GRIK5: variants seen among roughly 807,000 people sequenced by gnomAD.
The protein encoded by GRIK5 is glutamate ionotropic receptor kainate type subunit 5, also known as glutamate receptor ionotropic, kainate 5.
Under a neutral mutation model 97.4 loss-of-function variants are expected in GRIK5, and 43 were observed. The observed-to-expected ratio is 0.44, with a 90% CI of 0.35 to 0.57. The LOEUF (loss-of-function observed/expected upper bound fraction) is 0.57, where lower values mean the gene tolerates loss of function less well. Among genes scored for constraint, GRIK5 ranks in the 20% least tolerant of loss-of-function variants. The probability of loss-of-function intolerance (pLI) is 0.01; values close to 1 mark genes in which losing one functional copy is unlikely to be tolerated. For missense variants in GRIK5, 1,015 were observed against 1,382.0 expected, an observed-to-expected ratio of 0.73 and a Z score of 4.21; for synonymous variants, 580 against 583.5, an observed-to-expected ratio of 0.99 and a Z score of 0.09.
intron 11 of GRIK5, among the ~76,000 whole-genome samples, chr19:42,053,137 AAC>A (rs1245582969): frequency 6.6e-6 from 1 of 152,150 alleles, no homozygotes; most frequent in African/African-American, 2.4e-5. Flanking sequence ...GGAGCTTCAG[AAC>A]ACAGAGGTCA....
intron 12 of GRIK5, among the ~76,000 whole-genome samples, chr19:42,039,674 G>C (rs555066308): frequency 4.6e-4 from 70 of 152,256 alleles, no homozygotes; most frequent in East Asian, 1.9e-3. Flanking sequence ...ACAAATCTAT[G>C]TATGTGCTGG....
intron 11 of GRIK5, among the ~76,000 whole-genome samples, chr19:42,052,579 G>C (rs1188980887): frequency 6.6e-6 from 1 of 152,216 alleles, no homozygotes; most frequent in Non-Finnish European, 1.5e-5. Flanking sequence ...AAACCCTCTT[G>C]TAACCCTCTC....
At chr19:42,035,503 C>G (rs1022197794) in intron 12 of GRIK5, among the ~76,000 whole-genome samples, 2 of 151,788 alleles carry the variant, frequency 1.3e-5, no homozygotes, top group Non-Finnish European at 2.9e-5. Context: ...GGTCAGGAGT[C>G]GAGACCAGCC....
chr19:42,066,506 G>A (rs906922982), intron 1 of GRIK5, among the ~76,000 whole-genome samples: 1 of 151,040 alleles, frequency 6.6e-6, no homozygotes, highest in Admixed American at 6.6e-5. Flanking sequence ...GAGAAGGGAG[G>A]AAACAGAGAA....
chr19:42,056,831 C>G lies in GRIK5; in HGVS notation c.742-8G>C, dbSNP rs961089845. 6.2e-7 allele frequency: 1 copy of G among 1,613,860 alleles called. No individual in the cohort carries two copies. The highest frequency in any genetic ancestry group is 1.3e-5 in the African/African-American group (1 of 74,878). ...ATGCAGGATGGGGAAGTCCTGGGACCAGGAAGAGGTGGTGAGGCCTGGGGC... is the reference window on the plus strand; with the variant it reads ...ATGCAGGATGGGGAAGTCCTGGGACGAGGAAGAGGTGGTGAGGCCTGGGGC... On this transcript the variant is annotated splice_region_variant and splice_polypyrimidine_tract_variant and intron_variant, in intron 7 of 19. Transcript: ENST00000593562.
intron 15 of GRIK5, among the ~76,000 whole-genome samples, chr19:42,007,795 T>G (rs1374879274): frequency 6.6e-6 from 1 of 151,958 alleles, no homozygotes; most frequent in African/African-American, 2.4e-5. Flanking sequence ...GCAGCCAGAG[T>G]AGAAAGATTT....
intron 12 of GRIK5, among the ~76,000 whole-genome samples, chr19:42,036,536 T>G (rs1244047896): frequency 6.6e-6 from 1 of 151,778 alleles, no homozygotes; most frequent in Non-Finnish European, 1.5e-5. Flanking sequence ...TTTCAATTTT[T>G]GTAGAGATAG....
At chr19:42,050,301 A>G (rs1395354965) in intron 11 of GRIK5, among the ~76,000 whole-genome samples, 1 of 152,138 alleles carries the variant, frequency 6.6e-6, no homozygotes, top group African/African-American at 2.4e-5. Context: ...AGGGGCAAAC[A>G]GTGTGTGGAT....
In GRIK5 at chr19:42,003,285, C is replaced by A. The variant is rs782683084; in HGVS notation, c.2514+47G>T. ...TGCCACAATCTTCACGCACCTCAGCCCCTGGGGGTCCCTGTTCCTGCCCAC... is the reference window on the plus strand; with the variant it reads ...TGCCACAATCTTCACGCACCTCAGCACCTGGGGGTCCCTGTTCCTGCCCAC... On this transcript the variant is annotated intron_variant, in intron 19 of 19. Coordinates refer to ENST00000593562, the MANE Select transcript of GRIK5 (RefSeq NM_002088.5). The surrounding 1 kb of genome is among the most constrained non-coding windows in gnomAD (Gnocchi z 4.2). The A allele has an allele frequency of 1.9e-6, 3 of 1,579,276 alleles. No individual in the cohort carries two copies. The highest frequency in any genetic ancestry group is 2.2e-5 in the South Asian group (2 of 89,372).
chr19:42,065,179 C>T lies in GRIK5; in HGVS notation c.244+44G>A. The T allele has an allele frequency of 1.9e-6, 3 of 1,556,566 alleles. No homozygotes were observed. The highest frequency in any genetic ancestry group is 2.6e-6 in the Non-Finnish European group (3 of 1,142,678). The stretch of plus-strand genomic sequence containing the variant: ...GGGCAGAGGGATGGACTGAGGGCCA[C>T]CGACCTGCCCTGCCTCACCCCACGC... On this transcript the variant is annotated intron_variant, in intron 3 of 19. Coordinates refer to ENST00000593562, the MANE Select transcript of GRIK5 (RefSeq NM_002088.5). This position sits in a 1 kb window ranked among gnomAD's most constrained non-coding sequence, Gnocchi z 5.8.
At position 41,999,348 on chromosome 19, in the gene GRIK5, C is replaced by T; in HGVS notation, c.2515-49G>A. 1 of 1,398,684 alleles carries T rather than the reference C, an allele frequency of 7.1e-7. No individual in the cohort carries two copies. Among genetic ancestry groups the T allele is most frequent in the Non-Finnish European group, 9.5e-7 (1 of 1,051,564 alleles). 86.6% of individuals were successfully genotyped at this position (1,398,684 alleles called of 1,614,324 possible). A position where few individuals can be genotyped will look rare whatever the true frequency, so the allele number is the denominator to read the frequency against. On this transcript the variant is annotated intron_variant, in intron 19 of 19. Coordinates refer to ENST00000593562, the MANE Select transcript of GRIK5 (RefSeq NM_002088.5). The surrounding 1 kb of genome is among the most constrained non-coding windows in gnomAD (Gnocchi z 5.0). Reference sequence around the variant, plus strand: ...CGTCCCGGCGCAGTCCGCCTCCCGCCTCCCCCAGCCCCTCTCCACATCCCA... The same window carrying T: ...CGTCCCGGCGCAGTCCGCCTCCCGCTTCCCCCAGCCCCTCTCCACATCCCA...
In GRIK5 at chr19:42,046,126, C is replaced by T. The variant is rs1483992373; in HGVS notation, c.1270-3371G>A. ...CTAGCCCAAGGCCACCCAGCTGAAGCAGGGCAGTGGGAAGGGAGACGGGGC... is the reference window on the plus strand; with the variant it reads ...CTAGCCCAAGGCCACCCAGCTGAAGTAGGGCAGTGGGAAGGGAGACGGGGC... On this transcript the variant is annotated intron_variant, in intron 11 of 19. Transcript: ENST00000593562. 2.6e-5 allele frequency among the ~76,000 whole-genome samples: 4 copies of T among 152,148 alleles called. No individual in the cohort carries two copies. In the East Asian group the frequency reaches 7.7e-4, roughly 29 times the overall value.
chr19:42,036,598 C>T (rs763901986), intron 12 of GRIK5, among the ~76,000 whole-genome samples: 4 of 151,968 alleles, frequency 2.6e-5, no homozygotes, highest in Non-Finnish European at 4.4e-5. Flanking sequence ...TCAAGTGATC[C>T]TCCCACTTCG....
intron 15 of GRIK5, among the ~76,000 whole-genome samples, chr19:42,013,408 CTTTTTTTT>C (rs961451223): frequency 1.6e-5 from 2 of 123,256 alleles, no homozygotes; most frequent in African/African-American, 6.0e-5. Context: ...TTTTTCTTTT[CTTTTTTTT>C]TTTTTTTTTT....
rs1238716918 is a variant in GRIK5, at chr19:41,999,051, G to T, written c.2763C>A (p.Pro921=). 1 of 1,238,230 alleles carries T rather than the reference G, an allele frequency of 8.1e-7. No homozygotes were observed. 76.7% of individuals were successfully genotyped at this position (1,238,230 alleles called of 1,614,324 possible). A position where few individuals can be genotyped will look rare whatever the true frequency, so the allele number is the denominator to read the frequency against. ...CGTGGGTGCAGGGGGTGGGGGCGGC[G>T]GGTCGGGCTCCGCTGGGGGGCCCCG... is the stretch of plus-strand genomic sequence containing the variant. ...DDPGPPSGAR[P]AAPTPCTHVR... is the part of the protein sequence containing the mutation. The change falls in exon 20 of 20, where the codon CCC becomes CCA. Residue 921 remains proline (P), a synonymous_variant. Transcript: ENST00000593562. The surrounding 1 kb of genome is among the most constrained non-coding windows in gnomAD (Gnocchi z 5.0).
rs1351439156 is a variant in GRIK5 at position 42,022,338 on chromosome 19, A to G, written c.1490T>C (p.Val497Ala). ...ELINRKADLAVAAFTITAERE... is the reference protein window; with the variant it reads ...ELINRKADLAAAAFTITAERE... ...CTCAGCTGTGATGGTGAAGGCGGCC[A>G]CAGCCAGGTCTGCCTTCTGCTGGAG... The change falls in exon 13 of 20, where the codon GTG becomes GCG. Residue 497 changes from valine to alanine, a missense_variant. Coordinates refer to ENST00000593562, the MANE Select transcript of GRIK5 (RefSeq NM_002088.5). The surrounding 1 kb of genome is among the most constrained non-coding windows in gnomAD (Gnocchi z 4.2). 1.9e-6 allele frequency: 3 copies of G among 1,613,780 alleles called. No individual in the cohort carries two copies. Among genetic ancestry groups the G allele is most frequent in the Non-Finnish European group, 2.5e-6 (3 of 1,179,876 alleles).
In GRIK5 at chr19:42,005,889, G is replaced by T. The variant is rs782619780; in HGVS notation, c.2097C>A (p.Ser699Arg). The T allele has an allele frequency of 6.2e-7, 1 of 1,609,814 alleles. No homozygotes were observed. Among genetic ancestry groups the T allele is most frequent in the African/African-American group, 1.3e-5 (1 of 74,984 alleles). Reference sequence around the variant, plus strand: ...CCTCTTCTGTGCTCTTGACGAACACGCTGGGCTGCTTCGACTGCATGTAGT... The same window carrying T: ...CCTCTTCTGTGCTCTTGACGAACACTCTGGGCTGCTTCGACTGCATGTAGT... ...MWNYMQSKQP[S>R]VFVKSTEEGI... The change falls in exon 17 of 20, where the codon AGC (serine) becomes AGA (arginine). Residue 699 changes from serine to arginine, a missense_variant. Physicochemically the swap from Ser to Arg is moderately radical, Grantham distance 110. Coordinates refer to ENST00000593562, the MANE Select transcript of GRIK5 (RefSeq NM_002088.5).
intron 15 of GRIK5, among the ~76,000 whole-genome samples, chr19:42,019,420 C>T (rs562273788): frequency 6.6e-6 from 1 of 152,312 alleles, no homozygotes; most frequent in African/African-American, 2.4e-5. Flanking sequence ...CTCAATAGCA[C>T]ATTTTATGTG....
chr19:42,021,874 A>G lies in GRIK5; in HGVS notation c.1697+73T>C. 1.1e-6 allele frequency: 1 copy of G among 906,874 alleles called. No individual in the cohort carries two copies. The highest frequency in any genetic ancestry group is 2.1e-5 in the Admixed American group (1 of 47,002). The allele number at this position is 906,874 out of a possible 1,614,324, so 56.2% of individuals were successfully genotyped here. The stretch of plus-strand genomic sequence containing the variant: ...GCCAAGGACAGTTCCGAGAGAGAAG[A>G]GGCAGGTCGGTCCCAGAGGCCTCGG... On this transcript the variant is annotated intron_variant, in intron 14 of 19. Transcript: ENST00000593562. The surrounding 1 kb of genome is among the most constrained non-coding windows in gnomAD (Gnocchi z 4.2).
Sources: gnomAD v4.1 joint callset for allele counts (sites outside exome capture counted in the v4.1 genomes callset) on GRCh38, gnomAD v4.1.1 for gene constraint, Gnocchi (gnomAD v3.1) non-coding constraint, MANE v1.5 for transcripts, NCBI Gene and HGNC (gene_info 2026-07-23, HGNC 2026-07-21) for gene names.